VTA1: variants seen among roughly 807,000 people sequenced by gnomAD.
VTA1 encodes the protein vesicle trafficking 1.
A neutral mutation model predicts 36.9 loss-of-function variants in VTA1; 24 were observed. The ratio of observed to expected loss-of-function variants is 0.65; its 90% CI spans 0.47 to 0.91. VTA1 has a LOEUF of 0.91. Ranked by LOEUF, VTA1 falls within the 40% of genes least tolerant of loss-of-function variation. VTA1 has a pLI of 0.00. For missense variants in VTA1, 393 were observed against 377.2 expected (o/e 1.04, Z -0.35); for synonymous variants, 142 against 130.2 (o/e 1.09, Z -0.62).
At position 142,221,049 on chromosome 6, in the gene VTA1, A is replaced by C. The variant is rs1776100662; in HGVS notation, c.*2406A>C. ...ATGGGTCCCAGCCTTCTGAGTTTTAAGAGACACTTAAGGTGGTCCCTAAAG... is the reference window on the plus strand; with the variant it reads ...ATGGGTCCCAGCCTTCTGAGTTTTACGAGACACTTAAGGTGGTCCCTAAAG... On this transcript the variant is annotated 3_prime_UTR_variant, in exon 8 of 8. Coordinates refer to ENST00000367630, the MANE Select transcript of VTA1 (RefSeq NM_016485.5). 6.6e-6 allele frequency: 1 copy of C among 152,318 alleles called. No homozygotes were observed. Among genetic ancestry groups the C allele is most frequent in the African/African-American group, 2.4e-5 (1 of 41,578 alleles). 9.4% of individuals were successfully genotyped at this position (152,318 alleles called of 1,614,324 possible). A position where few individuals can be genotyped will look rare whatever the true frequency, so the allele number is the denominator to read the frequency against.
intron 4 of VTA1, among the ~76,000 whole-genome samples, chr6:142,172,314 A>AT (rs919079228): frequency 5.3e-5 from 8 of 152,014 alleles, no homozygotes; most frequent in South Asian, 2.1e-4. Context: ...CAGCCAGGAC[A>AT]TTTTTTTTGT....
chr6:142,171,941 G>C (rs1317360492), intron 4 of VTA1, among the ~76,000 whole-genome samples: 1 of 152,176 alleles, frequency 6.6e-6, no homozygotes, highest in Non-Finnish European at 1.5e-5. Flanking sequence ...CTCTAAGCTT[G>C]ATGAGTATAA....
intron 4 of VTA1, among the ~76,000 whole-genome samples, chr6:142,179,507 G>A (rs935997669): frequency 5.3e-5 from 8 of 152,048 alleles, no homozygotes; most frequent in Middle Eastern, 3.4e-3. Context: ...ACACATTGGG[G>A]TATTAGATAC....
intron 6 of VTA1, 21 bp downstream of exon 6, chr6:142,198,636 GATTT>G: frequency 1.9e-6 from 3 of 1,581,192 alleles, no homozygotes; most frequent in South Asian, 1.2e-5. Flanking sequence ...GTAACTGAAT[GATTT>G]ATTTAATTCC....
At chr6:142,151,158 T>C (rs182699070) in intron 1 of VTA1, among the ~76,000 whole-genome samples, 5 of 152,006 alleles carry the variant, frequency 3.3e-5, no homozygotes, top group Admixed American at 1.3e-4. Context: ...ATCAAGAGGT[T>C]GAGGAGGAAC....
intron 1 of VTA1, among the ~76,000 whole-genome samples, chr6:142,160,137 G>A (rs1180726321): frequency 1.3e-5 from 2 of 152,180 alleles, no homozygotes; most frequent in East Asian, 3.8e-4. Context: ...GTAATTTGGA[G>A]TTCAGTTTGA....
At chr6:142,149,854 T>C (rs1367381393) in intron 1 of VTA1, among the ~76,000 whole-genome samples, 1 of 152,150 alleles carries the variant, frequency 6.6e-6, no homozygotes, top group African/African-American at 2.4e-5. Context: ...TCTACTATTA[T>C]TTGTTCAAAT....
chr6:142,197,270 G>A (rs1258042331), intron 5 of VTA1, among the ~76,000 whole-genome samples: 1 of 152,124 alleles, frequency 6.6e-6, no homozygotes, highest in Non-Finnish European at 1.5e-5. Flanking sequence ...GCTTATCTCA[G>A]ATTAGGTAAA....
chr6:142,204,144 C>G, intron 7 of VTA1, 79 bp downstream of exon 7: 2 of 1,218,806 alleles, frequency 1.6e-6, no homozygotes, highest in Non-Finnish European at 2.4e-6. Context: ...CTTGACAGTA[C>G]CATATATTTA....
chr6:142,152,873 A>G (rs967407591), intron 1 of VTA1, among the ~76,000 whole-genome samples: 2 of 152,086 alleles, frequency 1.3e-5, no homozygotes, highest in Non-Finnish European at 2.9e-5. Flanking sequence ...TTGCTAAACT[A>G]CTTGCTGATT....
chr6:142,153,218 G>A (rs563030252), intron 1 of VTA1, among the ~76,000 whole-genome samples: 1 of 151,940 alleles, frequency 6.6e-6, no homozygotes, highest in Non-Finnish European at 1.5e-5. Context: ...AACTCTATGA[G>A]AACAAGAAGT....
chr6:142,183,614 G>A (rs1052991488), intron 4 of VTA1, among the ~76,000 whole-genome samples: 1 of 152,122 alleles, frequency 6.6e-6, no homozygotes, highest in South Asian at 2.1e-4. Flanking sequence ...TGCAGTTCCT[G>A]TCTCTTAGAA....
At chr6:142,188,937 G>A (rs1775399040) in intron 4 of VTA1, among the ~76,000 whole-genome samples, 1 of 152,150 alleles carries the variant, frequency 6.6e-6, no homozygotes, top group Non-Finnish European at 1.5e-5. Context: ...CATGTGACTA[G>A]TTAAAAAGTC....
intron 2 of VTA1, among the ~76,000 whole-genome samples, chr6:142,167,944 T>A (rs1351430225): frequency 6.6e-6 from 1 of 152,252 alleles, no homozygotes; most frequent in African/African-American, 2.4e-5. Context: ...ATAGCAGTAG[T>A]AGCTCAGATA....
At chr6:142,189,625 T>G in intron 5 of VTA1, 91 bp downstream of exon 5, 1 of 952,764 alleles carries the variant, frequency 1.0e-6, no homozygotes, top group Non-Finnish European at 1.6e-6. Context: ...ACAATACAGT[T>G]TTGTTTTCAT....
At chr6:142,160,005 C>T (rs1048756190) in intron 1 of VTA1, among the ~76,000 whole-genome samples, 1 of 152,092 alleles carries the variant, frequency 6.6e-6, no homozygotes, top group African/African-American at 2.4e-5. Context: ...TTATGGATCA[C>T]ATTTTCCTAT....
chr6:142,178,908 G>T (rs1775174209), intron 4 of VTA1, among the ~76,000 whole-genome samples: 1 of 151,904 alleles, frequency 6.6e-6, no homozygotes, highest in African/African-American at 2.4e-5. Flanking sequence ...TATGGAAAAA[G>T]ATGCTTAATG....
At position 142,224,374 on chromosome 6, in the gene VTA1, A is replaced by G. The variant is rs1336522865; in HGVS notation, c.*5731A>G. On this transcript the variant is annotated 3_prime_UTR_variant, in exon 8 of 8. Transcript: ENST00000367630. ...ACGGGACAAGGACACTGGACGGTCT[A>G]TTGTGCCATGCTTATATATTTTCTG... 6.6e-6 allele frequency: 1 copy of G among 152,234 alleles called. No individual in the cohort carries two copies. Among genetic ancestry groups the G allele is most frequent in the East Asian group, 1.9e-4 (1 of 5,196 alleles). 9.4% of individuals were successfully genotyped at this position (152,234 alleles called of 1,614,324 possible).
At chr6:142,159,105 A>G (rs957025155) in intron 1 of VTA1, among the ~76,000 whole-genome samples, 1 of 152,130 alleles carries the variant, frequency 6.6e-6, no homozygotes, top group African/African-American at 2.4e-5. Flanking sequence ...CATGCCTGTA[A>G]TCTCAGCACT....
Sources: allele counts gnomAD v4.1 joint callset (sites outside exome capture counted in the v4.1 genomes callset), GRCh38; gene constraint gnomAD v4.1.1; transcripts MANE v1.5; gene names NCBI Gene and HGNC (gene_info 2026-07-23, HGNC 2026-07-21).